Variants in CLDN10 observed in about 807,000 individuals in gnomAD.
CLDN10 encodes claudin-10.
Under a neutral mutation model 22.9 loss-of-function variants are expected in CLDN10, and 15 were observed. That is an observed-to-expected ratio of 0.65 (90% CI 0.44 to 1.01). The LOEUF is 1.01. CLDN10 is among the 50% of genes least tolerant of loss of function. The pLI is 0.00. For synonymous variants in CLDN10, 114 were observed against 111.4 expected, an observed-to-expected ratio of 1.02 and a Z score of -0.15; for missense variants, 247 against 287.8, an observed-to-expected ratio of 0.86 and a Z score of 1.03.
intron 1 of CLDN10, among the ~76,000 whole-genome samples, chr13:95,473,324 G>A (rs2042654704): frequency 6.6e-6 from 1 of 152,076 alleles, no homozygotes; most frequent in Non-Finnish European, 1.5e-5. Flanking sequence ...AACCACCATG[G>A]CACACATTTA....
At position 95,463,195 on chromosome 13, in the gene CLDN10, A is replaced by G. The variant is rs549042175; in HGVS notation, c.214+29148A>G. 6.1e-3 allele frequency among the ~76,000 whole-genome samples: 911 copies of G among 148,542 alleles called. 7 individuals are homozygous for G. The highest frequency in any genetic ancestry group is 8.7e-3 in the Non-Finnish European group (586 of 67,302). On this transcript the variant is annotated intron_variant, in intron 1 of 4. Transcript: ENST00000376873. ...ACTATCAATATCTAACTATCTACCT[A>G]TCTATCATCTATCTATCTATACACA...
intron 1 of CLDN10, among the ~76,000 whole-genome samples, chr13:95,473,057 T>C (rs1311387088): frequency 6.6e-6 from 1 of 151,438 alleles, no homozygotes; most frequent in Non-Finnish European, 1.5e-5. Flanking sequence ...GAAGGATTGT[T>C]TAAGCCCAGG....
intron 1 of CLDN10, among the ~76,000 whole-genome samples, chr13:95,491,987 G>A (rs2042876247): frequency 6.6e-6 from 1 of 152,210 alleles, no homozygotes; most frequent in South Asian, 2.1e-4. Context: ...TGGTACTGGA[G>A]GTTGTCTGCA....
At chr13:95,459,351 A>G (rs1044116594) in intron 1 of CLDN10, among the ~76,000 whole-genome samples, 1 of 152,008 alleles carries the variant, frequency 6.6e-6, no homozygotes, top group Non-Finnish European at 1.5e-5. Context: ...TCCCTTCCAC[A>G]CTACCCTACC....
intron 1 of CLDN10, among the ~76,000 whole-genome samples, chr13:95,513,615 A>C (rs562710911): frequency 6.6e-6 from 1 of 151,042 alleles, no homozygotes; most frequent in Non-Finnish European, 1.5e-5. Context: ...TTTTAAACTT[A>C]GAGAAACTGA....
chr13:95,571,133 C>A (rs1286248209), intron 3 of CLDN10, among the ~76,000 whole-genome samples: 1 of 151,626 alleles, frequency 6.6e-6, no homozygotes, highest in Non-Finnish European at 1.5e-5. Context: ...ACAAAGAAAA[C>A]GTCTAGAAAG....
intron 1 of CLDN10, among the ~76,000 whole-genome samples, chr13:95,491,430 T>C (rs912337886): frequency 8.6e-5 from 13 of 152,010 alleles, no homozygotes; most frequent in Non-Finnish European, 2.9e-5. Context: ...TGAATTTCTT[T>C]CTTCTGCTTG....
At chr13:95,434,582 C>CACATGAGTGT (rs2042247951) in intron 1 of CLDN10, among the ~76,000 whole-genome samples, 1 of 150,842 alleles carries the variant, frequency 6.6e-6, no homozygotes, top group African/African-American at 2.5e-5. Context: ...TATACATTCA[C>CACATGAGTGT]ATATATAACC....
chr13:95,505,749 C>CTTT lies in CLDN10; in HGVS notation c.215-54362_215-54360dup, dbSNP rs34828390. On this transcript the variant is annotated intron_variant, in intron 1 of 4. Transcript: ENST00000376873. ...GGCTTGTGCCAAGACCCTTCCCTTT[C>CTTT]TTTTTTTTTTTTTTTTTTTTTTTGA... Among the ~76,000 whole-genome samples the CTTT allele has an allele frequency of 8.7e-3, 902 of 103,568 alleles. 4 individuals carry two copies. Among genetic ancestry groups the CTTT allele is most frequent in the African/African-American group, 0.01 (278 of 27,736 alleles). The allele number at this position is 103,568 out of a possible 152,430, so 67.9% of individuals were successfully genotyped here.
intron 1 of CLDN10, among the ~76,000 whole-genome samples, chr13:95,441,860 A>G (rs2042327510): frequency 6.6e-6 from 1 of 152,226 alleles, no homozygotes; most frequent in Admixed American, 6.5e-5. Flanking sequence ...TGATTAAAGA[A>G]GACACATATG....
chr13:95,526,091 C>G (rs748193330), intron 1 of CLDN10, among the ~76,000 whole-genome samples: 1 of 152,082 alleles, frequency 6.6e-6, no homozygotes, highest in Non-Finnish European at 1.5e-5. Flanking sequence ...GTGTTTTTAT[C>G]TCAACTATGG....
intron 1 of CLDN10, among the ~76,000 whole-genome samples, chr13:95,491,262 T>C (rs7333145): frequency 0.029 from 4,343 of 152,194 alleles, 90 homozygotes; most frequent in Middle Eastern, 0.068. Flanking sequence ...AATATTGTAT[T>C]GAAATGTGAG....
At chr13:95,497,615 A>G (rs184259332) in intron 1 of CLDN10, among the ~76,000 whole-genome samples, 11 of 152,304 alleles carry the variant, frequency 7.2e-5, no homozygotes, top group African/African-American at 2.2e-4. Context: ...AACCATACCT[A>G]CCTCACCAAA....
intron 1 of CLDN10, among the ~76,000 whole-genome samples, chr13:95,513,255 G>A (rs2043124843): frequency 6.6e-6 from 1 of 152,184 alleles, no homozygotes; most frequent in Admixed American, 6.5e-5. Flanking sequence ...ATAGTCAAGA[G>A]CATTATTTAT....
chr13:95,568,565 G>T (rs988875252), intron 3 of CLDN10, among the ~76,000 whole-genome samples: 1 of 152,088 alleles, frequency 6.6e-6, no homozygotes, highest in African/African-American at 2.4e-5. Flanking sequence ...TTTGGGTGGG[G>T]TGTCCCTGTT....
intron 1 of CLDN10, among the ~76,000 whole-genome samples, chr13:95,475,205 C>G (rs912556828): frequency 5.3e-5 from 8 of 152,190 alleles, no homozygotes; most frequent in African/African-American, 1.7e-4. Flanking sequence ...AAGAGCCCAC[C>G]CCTGCCCCCT....
At chr13:95,461,917 C>A (rs998856501) in intron 1 of CLDN10, among the ~76,000 whole-genome samples, 30 of 151,988 alleles carry the variant, frequency 2.0e-4, no homozygotes, top group African/African-American at 7.0e-4. Context: ...CATAGCAAGA[C>A]CCCATGTCTA....
At chr13:95,550,906 T>A (rs1050764586), upstream of CLDN10, among the ~76,000 whole-genome samples, 2 of 147,216 alleles carry the variant, frequency 1.4e-5, no homozygotes, top group Non-Finnish European at 1.5e-5. Context: ...ATCTCCTGAC[T>A]TCATGATCCG....
intron 1 of CLDN10, among the ~76,000 whole-genome samples, chr13:95,520,110 C>A (rs12865002): frequency 1.3e-5 from 2 of 151,964 alleles, no homozygotes; most frequent in South Asian, 2.1e-4. Flanking sequence ...GCATTCACAC[C>A]CATGATAATA....
Sources: gnomAD v4.1 joint callset for allele counts (sites outside exome capture counted in the v4.1 genomes callset) on GRCh38, gnomAD v4.1.1 for gene constraint, MANE v1.5 for transcripts, NCBI Gene and HGNC (gene_info 2026-07-23, HGNC 2026-07-21) for gene names.